KSR2: variants seen among roughly 807,000 people sequenced by gnomAD.
The protein encoded by KSR2 is kinase suppressor of ras 2.
A neutral mutation model predicts 107.8 loss-of-function variants in KSR2; 25 were observed. The observed-to-expected ratio is 0.23, with a 90% confidence interval of 0.17 to 0.32. KSR2 has a LOEUF of 0.32. KSR2 is among the 10% of genes least tolerant of loss of function. The probability of loss-of-function intolerance (pLI) is 1.00; values close to 1 mark genes in which losing one functional copy is unlikely to be tolerated. For missense variants in KSR2, 887 were observed against 1,268.9 expected, an observed-to-expected ratio of 0.70 and a Z score of 4.57; for synonymous variants, 480 against 507.0, an observed-to-expected ratio of 0.95 and a Z score of 0.71.
intron 5 of KSR2, among the ~76,000 whole-genome samples, chr12:117,664,098 C>T (rs1327482628): frequency 2.0e-5 from 3 of 152,190 alleles, no homozygotes; most frequent in Non-Finnish European, 2.9e-5. Context: ...GGCTGGTGAA[C>T]CTTGGAGACA....
At chr12:117,828,122 A>G (rs1934632658) in intron 3 of KSR2, among the ~76,000 whole-genome samples, 1 of 152,160 alleles carries the variant, frequency 6.6e-6, no homozygotes, top group African/African-American at 2.4e-5. Context: ...CAGGGCCATC[A>G]CCAAACTCCA....
chr12:117,781,339 C>A (rs150115644), intron 3 of KSR2, among the ~76,000 whole-genome samples: 5 of 152,036 alleles, frequency 3.3e-5, no homozygotes, highest in African/African-American at 1.2e-4. Context: ...GGATGAGTGG[C>A]GGTTCATTAA....
chr12:117,708,064 T>C (rs1390884526), intron 4 of KSR2, among the ~76,000 whole-genome samples: 1 of 152,244 alleles, frequency 6.6e-6, no homozygotes, highest in Non-Finnish European at 1.5e-5. Context: ...ATTTGTGCAC[T>C]GGATATCTAT....
chr12:117,956,249 CAAAAAAA>C (rs59662300), intron 1 of KSR2, among the ~76,000 whole-genome samples: 2,413 of 47,320 alleles, frequency 0.051, 24 homozygotes, highest in Non-Finnish European at 0.062. Context: ...GACTCTGTCT[CAAAAAAA>C]AAAAAAAAAA....
chr12:117,758,020 A>AT (rs1454352658), intron 4 of KSR2, among the ~76,000 whole-genome samples: 4 of 152,130 alleles, frequency 2.6e-5, no homozygotes, highest in African/African-American at 4.8e-5. Flanking sequence ...AGTCTATTTC[A>AT]TTTTTTTAAT....
At chr12:117,613,309 A>C (rs1881704452) in intron 5 of KSR2, among the ~76,000 whole-genome samples, 1 of 152,220 alleles carries the variant, frequency 6.6e-6, no homozygotes, top group South Asian at 2.1e-4. Flanking sequence ...ACATAGAAAT[A>C]GTAGTGTATC....
intron 3 of KSR2, among the ~76,000 whole-genome samples, chr12:117,815,383 C>T (rs1183766765): frequency 2.6e-5 from 4 of 151,766 alleles, no homozygotes; most frequent in East Asian, 2.0e-4. Context: ...GAACAGTCTC[C>T]GTGATACATG....
At chr12:117,674,406 C>T (rs1209285007) in intron 4 of KSR2, 2 of 456,918 alleles carry the variant, frequency 4.4e-6, no homozygotes, top group African/African-American at 4.0e-5. Context: ...AATTGAATAA[C>T]TCTGTAGCAT....
At position 117,792,212 on chromosome 12, in the gene KSR2, G is replaced by T. The variant is rs1195384671; in HGVS notation, c.473-30688C>A. Among the ~76,000 whole-genome samples the T allele has an allele frequency of 3.9e-5, 6 of 152,170 alleles. No individual in the cohort carries two copies. In the East Asian group the frequency reaches 1.2e-3, roughly 29 times the overall value. Reference sequence around the variant, plus strand: ...AAATAAAAATTATCTGGGCATGGTGGTGTGTGCCTGTCCTGTAGTCCAGCT... The same window carrying T: ...AAATAAAAATTATCTGGGCATGGTGTTGTGTGCCTGTCCTGTAGTCCAGCT... On this transcript the variant is annotated intron_variant, in intron 3 of 19. Coordinates refer to ENST00000339824, the MANE Select transcript of KSR2 (RefSeq NM_173598.6).
At chr12:117,622,170 A>G (rs915173135) in intron 5 of KSR2, among the ~76,000 whole-genome samples, 11 of 151,926 alleles carry the variant, frequency 7.2e-5, no homozygotes, top group African/African-American at 2.4e-4. Context: ...GCATATCTCT[A>G]CATCTCTCTG....
intron 5 of KSR2, among the ~76,000 whole-genome samples, chr12:117,649,511 T>C (rs1039621523): frequency 6.8e-6 from 1 of 147,148 alleles, no homozygotes; most frequent in South Asian, 2.2e-4. Context: ...GTGCTTAGGA[T>C]CCTTTCATTT....
At chr12:117,709,450 A>G (rs1886663526) in intron 4 of KSR2, among the ~76,000 whole-genome samples, 1 of 152,082 alleles carries the variant, frequency 6.6e-6, no homozygotes, top group African/African-American at 2.4e-5. Flanking sequence ...CAGTCTCCAG[A>G]GTAGCTGGGT....
At position 117,745,458 on chromosome 12, in the gene KSR2, A is replaced by G. The variant is rs1888374205; in HGVS notation, c.986+15553T>C. On this transcript the variant is annotated intron_variant, in intron 4 of 19. Coordinates refer to ENST00000339824, the MANE Select transcript of KSR2 (RefSeq NM_173598.6). ...AAGTCATACATCTGATAAGAGGTTA[A>G]TATCTAAAATATATAAGGAATTCAA... Among the ~76,000 whole-genome samples the G allele has an allele frequency of 2.0e-5, 3 of 152,308 alleles. No individual in the cohort carries two copies. The South Asian group carries it at 6.2e-4, about 32-fold the overall frequency.
At chr12:117,624,994 G>A (rs1397536152) in intron 5 of KSR2, among the ~76,000 whole-genome samples, 1 of 152,086 alleles carries the variant, frequency 6.6e-6, no homozygotes, top group African/African-American at 2.4e-5. Context: ...TTCATGATTT[G>A]GCTCTCCGTT....
intron 4 of KSR2, among the ~76,000 whole-genome samples, chr12:117,730,655 C>T (rs542095330): frequency 2.6e-5 from 4 of 152,190 alleles, no homozygotes; most frequent in Non-Finnish European, 5.9e-5. Flanking sequence ...ATTGCAGGCA[C>T]GCGCCGCCAC....
intron 14 of KSR2, among the ~76,000 whole-genome samples, chr12:117,491,721 T>G (rs1037212000): frequency 9.8e-5 from 15 of 152,366 alleles, no homozygotes; most frequent in Non-Finnish European, 1.9e-4. Flanking sequence ...TTCGACATGC[T>G]GATTTCCGTT....
chr12:117,578,131 T>A (rs1879401053), intron 7 of KSR2, among the ~76,000 whole-genome samples: 1 of 152,044 alleles, frequency 6.6e-6, no homozygotes, highest in Non-Finnish European at 1.5e-5. Context: ...CAGACCAATA[T>A]GATACTACAG....
intron 3 of KSR2, among the ~76,000 whole-genome samples, chr12:117,824,711 G>T (rs1419944468): frequency 1.3e-5 from 2 of 151,848 alleles, no homozygotes; most frequent in Non-Finnish European, 2.9e-5. Context: ...AAAAACATTA[G>T]CTGGGTGTGG....
At chr12:117,550,953 A>G (rs1462923983) in intron 9 of KSR2, among the ~76,000 whole-genome samples, 1 of 152,196 alleles carries the variant, frequency 6.6e-6, no homozygotes, top group Non-Finnish European at 1.5e-5. Context: ...CCCCATGTCC[A>G]TCCTTTACAA....
Sources: gnomAD v4.1 joint callset for allele counts (sites outside exome capture counted in the v4.1 genomes callset) on GRCh38, gnomAD v4.1.1 for gene constraint, MANE v1.5 for transcripts, NCBI Gene and HGNC (gene_info 2026-07-23, HGNC 2026-07-21) for gene names.